The following DTNB variants were observed in gnomAD, a reference collection of about 807,000 sequenced individuals.
The protein encoded by DTNB is dystrobrevin beta, also known as DTN-B.
A neutral mutation model predicts 90.7 loss-of-function variants in DTNB; 63 were observed. That is an observed-to-expected ratio of 0.69 (90% confidence interval 0.57 to 0.86). The LOEUF is 0.86. Among genes scored for constraint, DTNB ranks in the 40% least tolerant of loss-of-function variants. The pLI is 0.00. For missense variants in DTNB, 744 were observed against 807.1 expected, an observed-to-expected ratio of 0.92 and a Z score of 0.95; for synonymous variants, 277 against 286.7, an observed-to-expected ratio of 0.97 and a Z score of 0.34.
chr2:25,455,424 G>T lies in DTNB; in HGVS notation c.1150C>A (p.Arg384Ser), dbSNP rs149194865. The change falls in exon 11 of 21, where the codon CGT becomes AGT. Residue 384 changes from arginine (R) to serine (S), a missense_variant. Physicochemically the swap from Arg to Ser is moderately radical, Grantham distance 110 (BLOSUM62 -1). Transcript: ENST00000406818. ...ACTGACCGTGCACAGTGCTGCAGAC[G>T]GGCCACATAGGAGGCTATCAGCGCA... ...EHALIASYVARLQHCARVLDS... is the reference protein window; with the variant it reads ...EHALIASYVASLQHCARVLDS... The T allele has an allele frequency of 8.7e-6, 14 of 1,601,946 alleles. No individual in the cohort carries two copies. In the Admixed American group the frequency reaches 1.7e-4, roughly 20 times the overall value.
intron 8 of DTNB, among the ~76,000 whole-genome samples, chr2:25,553,021 C>T (rs1421020712): frequency 4.0e-5 from 6 of 150,646 alleles, no homozygotes; most frequent in African/African-American, 7.3e-5. Flanking sequence ...CCACCACGCC[C>T]GGCTAATTTT....
chr2:25,543,022 T>G (rs1190773094), intron 8 of DTNB, among the ~76,000 whole-genome samples: 1 of 152,214 alleles, frequency 6.6e-6, no homozygotes, highest in East Asian at 1.9e-4. Context: ...TTTATATATC[T>G]GTAGAATTGT....
chr2:25,658,040 T>C (rs961308695), intron 1 of DTNB, among the ~76,000 whole-genome samples: 1 of 152,108 alleles, frequency 6.6e-6, no homozygotes, highest in Non-Finnish European at 1.5e-5. Flanking sequence ...GTGGATCATC[T>C]GAGGTCAGGA....
chr2:25,486,435 C>A (rs1051852089), intron 9 of DTNB, among the ~76,000 whole-genome samples: 2 of 152,062 alleles, frequency 1.3e-5, no homozygotes, highest in African/African-American at 2.4e-5. Context: ...CACTGCACTT[C>A]AGGCTGGGTG....
intron 8 of DTNB, among the ~76,000 whole-genome samples, chr2:25,543,233 C>T (rs924579133): frequency 2.6e-5 from 4 of 151,986 alleles, no homozygotes; most frequent in African/African-American, 4.8e-5. Flanking sequence ...TTATTCTTAA[C>T]TTACAAGTTC....
At chr2:25,550,421 CAAAA>C (rs201445140) in intron 8 of DTNB, among the ~76,000 whole-genome samples, 2 of 150,278 alleles carry the variant, frequency 1.3e-5, no homozygotes, top group Admixed American at 6.6e-5. Flanking sequence ...AACAAACAAA[CAAAA>C]AAAAACACGG....
chr2:25,547,094 C>T (rs1380253109), intron 8 of DTNB, among the ~76,000 whole-genome samples: 1 of 152,046 alleles, frequency 6.6e-6, no homozygotes, highest in Non-Finnish European at 1.5e-5. Context: ...AGTGATCCTC[C>T]CGCCTTGACC....
intron 8 of DTNB, among the ~76,000 whole-genome samples, chr2:25,558,714 T>C (rs1020131354): frequency 9.2e-5 from 14 of 152,328 alleles, no homozygotes; most frequent in Non-Finnish European, 2.1e-4. Context: ...GTTTTATGAA[T>C]AAATCGTGCA....
At chr2:25,668,402 G>A (rs1030653462) in intron 1 of DTNB, among the ~76,000 whole-genome samples, 1 of 152,144 alleles carries the variant, frequency 6.6e-6, no homozygotes, top group Admixed American at 6.5e-5. Context: ...TAAAACTATA[G>A]CCATGTAATG....
rs555387544 is a variant in DTNB, at chr2:25,560,854, G to T, written c.876+15984C>A. 3.9e-5 allele frequency among the ~76,000 whole-genome samples: 6 copies of T among 152,250 alleles called. No homozygotes were observed. The South Asian group carries it at 8.3e-4, about 21-fold the overall frequency. Reference sequence around the variant, plus strand: ...AAACTTGTGTCCAGCACTGTGAGAGGGTTTAGGACCCCAGGTTGGTGGTAG... The same window carrying T: ...AAACTTGTGTCCAGCACTGTGAGAGTGTTTAGGACCCCAGGTTGGTGGTAG... On this transcript the variant is annotated intron_variant, in intron 8 of 20. Coordinates refer to ENST00000406818, the MANE Select transcript of DTNB (RefSeq NM_021907.5).
intron 6 of DTNB, among the ~76,000 whole-genome samples, chr2:25,588,565 A>G: frequency 6.6e-6 from 1 of 152,096 alleles, no homozygotes; most frequent in Non-Finnish European, 1.5e-5. Context: ...GGGTTTCACC[A>G]TGTTGGCCAG....
chr2:25,477,997 G>T (rs1166441649), intron 10 of DTNB, among the ~76,000 whole-genome samples: 10 of 131,676 alleles, frequency 7.6e-5, no homozygotes, highest in South Asian at 2.5e-4. Flanking sequence ...CTTTTTCTTT[G>T]TTCTTGTGAG....
intron 15 of DTNB, among the ~76,000 whole-genome samples, chr2:25,423,234 G>T (rs913342828): frequency 2.6e-5 from 4 of 152,072 alleles, no homozygotes; most frequent in African/African-American, 9.7e-5. Flanking sequence ...GAGGGTCCTT[G>T]ATACTCCTTG....
intron 10 of DTNB, among the ~76,000 whole-genome samples, chr2:25,468,850 T>C (rs2062264120): frequency 6.6e-6 from 1 of 152,194 alleles, no homozygotes; most frequent in African/African-American, 2.4e-5. Flanking sequence ...TAATGACTTA[T>C]CCTACAAATA....
At chr2:25,607,433 C>A in intron 4 of DTNB, 112 bp from the exon 5 acceptor site, 1 of 960,464 alleles carries the variant, frequency 1.0e-6, no homozygotes, top group Non-Finnish European at 1.5e-6. Context: ...TTGTCTGTTA[C>A]AATTTTACCA....
At chr2:25,380,524 A>G (rs940967421) in intron 19 of DTNB, among the ~76,000 whole-genome samples, 1 of 152,252 alleles carries the variant, frequency 6.6e-6, no homozygotes, top group East Asian at 1.9e-4. Context: ...AGAAAGTCAC[A>G]TACGTAAAAA....
At chr2:25,465,781 A>G (rs2061671217) in intron 10 of DTNB, among the ~76,000 whole-genome samples, 1 of 152,168 alleles carries the variant, frequency 6.6e-6, no homozygotes, top group African/African-American at 2.4e-5. Flanking sequence ...CTGATCATCC[A>G]ATCTAAAACC....
At chr2:25,498,704 C>T (rs2069616851) in intron 9 of DTNB, among the ~76,000 whole-genome samples, 3 of 151,100 alleles carry the variant, frequency 2.0e-5, no homozygotes, top group South Asian at 2.1e-4. Context: ...AAAAATTAGC[C>T]AGGTGTGGTG....
chr2:25,560,032 T>C (rs773041295), intron 8 of DTNB, among the ~76,000 whole-genome samples: 3 of 152,234 alleles, frequency 2.0e-5, no homozygotes, highest in Non-Finnish European at 4.4e-5. Flanking sequence ...GTGGATCACC[T>C]GAGGCCAGGA....
Sources: allele counts gnomAD v4.1 joint callset (sites outside exome capture counted in the v4.1 genomes callset), GRCh38; gene constraint gnomAD v4.1.1; transcripts MANE v1.5; gene names NCBI Gene and HGNC (gene_info 2026-07-23, HGNC 2026-07-21).